The following UBE2E1 variants were observed in gnomAD, a reference collection of about 807,000 sequenced individuals.
UBE2E1 encodes the protein ubiquitin conjugating enzyme E2 E1, also known as ubiquitin-conjugating enzyme E2 E1.
UBE2E1 carries 6 observed loss-of-function variants against 21.4 expected under a neutral mutation model. That is an observed-to-expected ratio of 0.28 (90% CI 0.15 to 0.55). UBE2E1 has a LOEUF of 0.55. Ranked by LOEUF, UBE2E1 falls within the 20% of genes least tolerant of loss-of-function variation. UBE2E1 has a pLI of 0.93. For missense variants in UBE2E1, 142 were observed against 236.5 expected (o/e 0.60, Z 2.62); for synonymous variants, 87 against 82.7 (o/e 1.05, Z -0.28).
At chr3:23,850,946 A>G (rs747238373) in intron 3 of UBE2E1, among the ~76,000 whole-genome samples, 16 of 150,770 alleles carry the variant, frequency 1.1e-4, no homozygotes, top group Admixed American at 5.3e-4. Context: ...TCAGCCTCCC[A>G]AAGTGCTGGG....
chr3:23,807,110 A>C, intron 1 of UBE2E1, 127 bp from the exon 2 acceptor site: 1 of 729,456 alleles, frequency 1.4e-6, no homozygotes, highest in Non-Finnish European at 2.1e-6. Context: ...AGACTTTGAA[A>C]AGCGAGTGGA....
Position 23,838,833 on chromosome 3 carries a change from A to G in UBE2E1, c.203+27323A>G, listed in dbSNP as rs72627012. ...TTAGATTTAAATTAATTTTCAATTT[A>G]TCCTATTTGTATTTCCTTTTTTCAT... On this transcript the variant is annotated intron_variant, in intron 3 of 5. Coordinates refer to ENST00000306627, the MANE Select transcript of UBE2E1 (RefSeq NM_003341.5). Among the ~76,000 whole-genome samples the G allele has an allele frequency of 2.9e-3, 430 of 150,504 alleles. 10 individuals carry two copies. The East Asian group carries it at 0.044, about 15-fold the overall frequency.
At chr3:23,880,833 C>G (rs1309281354) in intron 3 of UBE2E1, among the ~76,000 whole-genome samples, 1 of 152,200 alleles carries the variant, frequency 6.6e-6, no homozygotes, top group African/African-American at 2.4e-5. Context: ...TCTAGTAAGA[C>G]TGTGCTAATG....
At chr3:23,820,225 A>T (rs941254414) in intron 3 of UBE2E1, among the ~76,000 whole-genome samples, 2 of 152,222 alleles carry the variant, frequency 1.3e-5, no homozygotes, top group African/African-American at 2.4e-5. Context: ...TCTAAAGTGA[A>T]ACAAAAGACC....
rs1699314549 is a variant in UBE2E1, at chr3:23,808,020, T to C, written c.152+599T>C. 6.6e-6 allele frequency: 1 copy of C among 152,208 alleles called. No homozygotes were observed. The highest frequency in any genetic ancestry group is 1.5e-5 in the Non-Finnish European group (1 of 68,036). The allele number at this position is 152,208 out of a possible 1,614,324, so 9.4% of individuals were successfully genotyped here. On this transcript the variant is annotated intron_variant, in intron 2 of 5. Transcript: ENST00000306627. The surrounding 1 kb of genome is among the most constrained non-coding windows in gnomAD (Gnocchi z 4.9). ...GTGACTATAAAATGGTTATTCTAGG[T>C]TATTTTTGTGGTTCTCTTTAAAAAC...
At chr3:23,818,703 G>T (rs1699579673) in intron 3 of UBE2E1, among the ~76,000 whole-genome samples, 1 of 152,174 alleles carries the variant, frequency 6.6e-6, no homozygotes, top group Non-Finnish European at 1.5e-5. Context: ...GCTGAGGCTG[G>T]AACTGGTTTT....
Position 23,863,709 on chromosome 3 carries a change from T to A in UBE2E1, c.204-23858T>A, listed in dbSNP as rs1171935523. ...CCACGCCTGGCTAATTTTCTATTTT[T>A]AGTAGAGATGGGGTTTCTCCATGTT... On this transcript the variant is annotated intron_variant, in intron 3 of 5. Coordinates refer to ENST00000306627, the MANE Select transcript of UBE2E1 (RefSeq NM_003341.5). The surrounding 1 kb of genome is among the most constrained non-coding windows in gnomAD (Gnocchi z 4.3). Among the ~76,000 whole-genome samples, 1 of 152,104 alleles carries A rather than the reference T, an allele frequency of 6.6e-6. No individual in the cohort carries two copies. Among genetic ancestry groups the A allele is most frequent in the African/African-American group, 2.4e-5 (1 of 41,412 alleles).
chr3:23,831,811 C>T (rs1358273653), intron 3 of UBE2E1, among the ~76,000 whole-genome samples: 2 of 152,048 alleles, frequency 1.3e-5, no homozygotes, highest in South Asian at 2.1e-4. Context: ...ATTCTCCTGC[C>T]TCAGCCTCCC....
intron 3 of UBE2E1, among the ~76,000 whole-genome samples, chr3:23,867,351 A>C (rs1250429971): frequency 2.6e-5 from 4 of 152,220 alleles, no homozygotes; most frequent in Non-Finnish European, 4.4e-5. Context: ...ATAGTAGGTC[A>C]GAACAAACCT....
At position 23,884,458 on chromosome 3, in the gene UBE2E1, C is replaced by T. The variant is rs144474729; in HGVS notation, c.204-3109C>T. The stretch of plus-strand genomic sequence containing the variant: ...GTCCCCTCTAGATATTCTCAATCAT[C>T]GGGCCTGGGGTGGGGTCTAGAAATC... On this transcript the variant is annotated intron_variant, in intron 3 of 5. Transcript: ENST00000306627. 3.5e-3 allele frequency among the ~76,000 whole-genome samples: 529 copies of T among 152,222 alleles called. 2 individuals carry two copies. Among genetic ancestry groups the T allele is most frequent in the African/African-American group, 0.012 (485 of 41,524 alleles).
chr3:23,866,596 C>G (rs945944003), intron 3 of UBE2E1: 13 of 152,140 alleles, frequency 8.5e-5, no homozygotes, highest in Admixed American at 7.2e-4. Context: ...TGTAATTGAA[C>G]TGATGCTTGT....
rs1700763127 is a variant in UBE2E1, at chr3:23,870,641, A to G, written c.204-16926A>G. On this transcript the variant is annotated intron_variant, in intron 3 of 5. Transcript: ENST00000306627. The surrounding 1 kb of genome is among the most constrained non-coding windows in gnomAD (Gnocchi z 4.2). ...TATTTCCAAAACTATAAAACTGTTCACTTATATTTTCTTCAAGTTCCTATT... is the reference window on the plus strand; with the variant it reads ...TATTTCCAAAACTATAAAACTGTTCGCTTATATTTTCTTCAAGTTCCTATT... Among the ~76,000 whole-genome samples the G allele has an allele frequency of 4.0e-5, 6 of 151,370 alleles. No homozygotes were observed. The South Asian group carries it at 1.1e-3, about 27-fold the overall frequency.
rs992168862 is a variant in UBE2E1 at position 23,806,632 on chromosome 3, G to T, written c.-34+544G>T. Reference sequence around the variant, plus strand: ...GCCAGAGGCAGGCAGGCCGGGAGGGGCGTCGGGGCGCGGCGCGGGGGGGCC... The same window carrying T: ...GCCAGAGGCAGGCAGGCCGGGAGGGTCGTCGGGGCGCGGCGCGGGGGGGCC... On this transcript the variant is annotated intron_variant, in intron 1 of 5. Transcript: ENST00000306627. The surrounding 1 kb of genome is among the most constrained non-coding windows in gnomAD (Gnocchi z 6.5). Among the ~76,000 whole-genome samples the T allele has an allele frequency of 6.6e-6, 1 of 151,422 alleles. No homozygotes were observed. Among genetic ancestry groups the T allele is most frequent in the Non-Finnish European group, 1.5e-5 (1 of 67,684 alleles).
chr3:23,822,830 TC>T (rs1318069259), intron 3 of UBE2E1, among the ~76,000 whole-genome samples: 2 of 30,140 alleles, frequency 6.6e-5, no homozygotes, highest in East Asian at 8.1e-4. Flanking sequence ...CCCTCCCCCA[TC>T]CCCCCACCCC....
At chr3:23,845,589 C>CTGTGTGTGTGTGTGTGTGTGTGTGTGTG (rs377458829) in intron 3 of UBE2E1, among the ~76,000 whole-genome samples, 2 of 121,286 alleles carry the variant, frequency 1.6e-5, no homozygotes, top group Admixed American at 8.9e-5. Flanking sequence ...CTCTCTCTCT[C>CTGTGTGTGTGTGTGTGTGTGTGTGTGTG]TGTGTGTGTG....
intron 3 of UBE2E1, among the ~76,000 whole-genome samples, chr3:23,824,808 T>C (rs1699720840): frequency 6.6e-6 from 1 of 152,102 alleles, no homozygotes; most frequent in African/African-American, 2.4e-5. Context: ...CTCCCCTTCC[T>C]GCTCCCTTAA....
At chr3:23,828,798 T>G (rs1332357133) in intron 3 of UBE2E1, among the ~76,000 whole-genome samples, 1 of 152,250 alleles carries the variant, frequency 6.6e-6, no homozygotes, top group African/African-American at 2.4e-5. Flanking sequence ...TTATCATAGT[T>G]CAATTTCATC....
intron 3 of UBE2E1, among the ~76,000 whole-genome samples, chr3:23,820,455 C>A (rs1699622326): frequency 6.6e-6 from 1 of 152,152 alleles, no homozygotes; most frequent in Admixed American, 6.6e-5. Flanking sequence ...AAGTTGATGT[C>A]CCATCCCACT....
chr3:23,868,740 A>G (rs1700712134), intron 3 of UBE2E1, among the ~76,000 whole-genome samples: 1 of 151,752 alleles, frequency 6.6e-6, no homozygotes, highest in African/African-American at 2.4e-5. Flanking sequence ...TTTAATCTCA[A>G]TAATTGGAAT....
Sources: gnomAD v4.1 joint callset for allele counts (sites outside exome capture counted in the v4.1 genomes callset) on GRCh38, gnomAD v4.1.1 for gene constraint, Gnocchi (gnomAD v3.1) non-coding constraint, MANE v1.5 for transcripts, NCBI Gene and HGNC (gene_info 2026-07-23, HGNC 2026-07-21) for gene names.